Variants in MPPED2 observed in about 807,000 individuals in gnomAD.
The protein encoded by MPPED2 is metallophosphoesterase domain containing 2.
Under a neutral mutation model 33.0 loss-of-function variants are expected in MPPED2, and 5 were observed. The ratio of observed to expected loss-of-function variants is 0.15; its 90% confidence interval spans 0.08 to 0.32. MPPED2 has a LOEUF of 0.32. Among genes scored for constraint, MPPED2 ranks in the 10% least tolerant of loss-of-function variants. The pLI is 1.00. For synonymous variants in MPPED2, 136 were observed against 141.9 expected (o/e 0.96, Z 0.29); for missense variants, 275 against 372.1 (o/e 0.74, Z 2.15).
intron 4 of MPPED2, among the ~76,000 whole-genome samples, chr11:30,474,341 C>T (rs1271006191): frequency 2.6e-5 from 4 of 152,138 alleles, no homozygotes; most frequent in Admixed American, 6.6e-5. Flanking sequence ...CTCTTAGTGA[C>T]GTCACTTACC....
chr11:30,516,002 C>T (rs1334429619), intron 3 of MPPED2, among the ~76,000 whole-genome samples: 1 of 152,160 alleles, frequency 6.6e-6, no homozygotes, highest in Non-Finnish European at 1.5e-5. Flanking sequence ...AGATGAATGA[C>T]ACTATAGCAG....
At chr11:30,428,652 C>G (rs1239128814) in intron 4 of MPPED2, among the ~76,000 whole-genome samples, 1 of 152,168 alleles carries the variant, frequency 6.6e-6, no homozygotes, top group Non-Finnish European at 1.5e-5. Flanking sequence ...GATTCAAATT[C>G]CAGCTGCTTT....
chr11:30,543,210 G>A (rs1955225875), intron 2 of MPPED2, among the ~76,000 whole-genome samples: 1 of 152,182 alleles, frequency 6.6e-6, no homozygotes, highest in African/African-American at 2.4e-5. Flanking sequence ...TCATTCTCAA[G>A]GATCTCACGT....
At chr11:30,531,782 C>T (rs11031125) in intron 3 of MPPED2, among the ~76,000 whole-genome samples, 28,301 of 152,190 alleles carry the variant, frequency 0.19, 3,111 homozygotes, top group Non-Finnish European at 0.25. Flanking sequence ...GGCCAGCTTA[C>T]GTAGAGAGGC....
At chr11:30,451,828 G>A (rs540143605) in intron 4 of MPPED2, 1 of 985,372 alleles carries the variant, frequency 1.0e-6, no homozygotes, top group African/African-American at 1.7e-5. Flanking sequence ...CTGACTGACA[G>A]GCTGCGGTGG....
chr11:30,431,781 T>C (rs1949088602), intron 4 of MPPED2, among the ~76,000 whole-genome samples: 1 of 152,252 alleles, frequency 6.6e-6, no homozygotes, highest in Non-Finnish European at 1.5e-5. Flanking sequence ...AAATGTTCTA[T>C]ATAATGTGAT....
At chr11:30,389,001 T>C in intron 6 of MPPED2, 1 of 1,510,032 alleles carries the variant, frequency 6.6e-7, no homozygotes, top group Non-Finnish European at 8.8e-7. Flanking sequence ...GAGAGAGAGA[T>C]GAACATGACC....
At chr11:30,481,456 G>T (rs909660331) in intron 4 of MPPED2, among the ~76,000 whole-genome samples, 2 of 152,130 alleles carry the variant, frequency 1.3e-5, no homozygotes, top group African/African-American at 4.8e-5. Flanking sequence ...ACCACAGCCT[G>T]ACAAGGAGAA....
At chr11:30,459,966 G>A (rs1247815155) in intron 4 of MPPED2, among the ~76,000 whole-genome samples, 3 of 152,190 alleles carry the variant, frequency 2.0e-5, no homozygotes, top group Non-Finnish European at 2.9e-5. Flanking sequence ...TTGAGAGTCA[G>A]CCTGGCGTCT....
At chr11:30,423,712 G>T (rs907476798) in intron 4 of MPPED2, among the ~76,000 whole-genome samples, 1 of 152,148 alleles carries the variant, frequency 6.6e-6, no homozygotes, top group Non-Finnish European at 1.5e-5. Context: ...TAAAGTGAAT[G>T]AACTTTTGTA....
chr11:30,565,537 C>T (rs1207076971), intron 2 of MPPED2, among the ~76,000 whole-genome samples: 4 of 152,166 alleles, frequency 2.6e-5, no homozygotes, highest in African/African-American at 9.7e-5. Flanking sequence ...CAACCCTGCA[C>T]TCAAGTCCAG....
At chr11:30,542,459 C>CAAAAAAAAAAAAAAAAAAA (rs59474313) in intron 2 of MPPED2, among the ~76,000 whole-genome samples, 1 of 77,800 alleles carries the variant, frequency 1.3e-5, no homozygotes, top group Admixed American at 1.7e-4. Context: ...ACCAAAAGTA[C>CAAAAAAAAAAAAAAAAAAA]AAAAAAAAAA....
chr11:30,558,555 A>G lies in MPPED2; in HGVS notation c.128+21691T>C, dbSNP rs374410410. ...CTCAGCCTCTCAAGTAGCTAGAAAT[A>G]CAAGTATGTGCCACCACACTCAGCT... On this transcript the variant is annotated intron_variant, in intron 2 of 6. Transcript: ENST00000358117. Among the ~76,000 whole-genome samples, 5 of 151,490 alleles carry G rather than the reference A, an allele frequency of 3.3e-5. No individual in the cohort carries two copies. The South Asian group carries it at 1.0e-3, about 32-fold the overall frequency.
chr11:30,577,699 A>G (rs893827662), intron 2 of MPPED2, among the ~76,000 whole-genome samples: 32 of 152,234 alleles, frequency 2.1e-4, no homozygotes, highest in African/African-American at 7.5e-4. Flanking sequence ...GTGTGAGGCC[A>G]TCAGGCCTAC....
At chr11:30,581,767 T>C (rs1304123816) in intron 1 of MPPED2, among the ~76,000 whole-genome samples, 1 of 152,160 alleles carries the variant, frequency 6.6e-6, no homozygotes, top group African/African-American at 2.4e-5. Context: ...TCCAGAGTGT[T>C]CTACTCAAAT....
chr11:30,483,433 GT>G (rs1426693088), intron 4 of MPPED2, among the ~76,000 whole-genome samples: 1 of 152,090 alleles, frequency 6.6e-6, no homozygotes, highest in African/African-American at 2.4e-5. Context: ...AACCCTATGA[GT>G]TTTTAAAACA....
intron 2 of MPPED2, among the ~76,000 whole-genome samples, chr11:30,568,919 A>AT (rs199942601): frequency 6.2e-4 from 94 of 151,234 alleles, no homozygotes; most frequent in African/African-American, 1.3e-3. Context: ...AAAAGGGCTC[A>AT]TTTTTTTTTG....
chr11:30,546,058 G>A (rs1955408553), intron 2 of MPPED2, among the ~76,000 whole-genome samples: 2 of 152,076 alleles, frequency 1.3e-5, no homozygotes, highest in South Asian at 4.1e-4. Flanking sequence ...GACCTCTGGT[G>A]ATCTGCCTGC....
chr11:30,399,621 C>T (rs1213492357), intron 6 of MPPED2, among the ~76,000 whole-genome samples: 2 of 152,120 alleles, frequency 1.3e-5, no homozygotes, highest in Non-Finnish European at 2.9e-5. Context: ...TGTAAATGGA[C>T]AATGGGTGAA....
Sources: gnomAD v4.1 joint callset for allele counts (sites outside exome capture counted in the v4.1 genomes callset) on GRCh38, gnomAD v4.1.1 for gene constraint, MANE v1.5 for transcripts, NCBI Gene and HGNC (gene_info 2026-07-23, HGNC 2026-07-21) for gene names.